Variants in KLF12 observed in about 807,000 individuals in gnomAD.
KLF12 encodes KLF transcription factor 12, also known as Krueppel-like factor 12.
A neutral mutation model predicts 37.8 loss-of-function variants in KLF12; 9 were observed. That is an observed-to-expected ratio of 0.24 (90% CI 0.14 to 0.42). The LOEUF (loss-of-function observed/expected upper bound fraction) is 0.42, where lower values mean the gene tolerates loss of function less well. KLF12 is among the 10% of genes least tolerant of loss of function. KLF12 has a pLI of 1.00. For missense variants in KLF12, 411 were observed against 516.0 expected, an observed-to-expected ratio of 0.80 and a Z score of 1.97; for synonymous variants, 208 against 202.1, an observed-to-expected ratio of 1.03 and a Z score of -0.25.
intron 1 of KLF12, among the ~76,000 whole-genome samples, chr13:73,997,545 T>C (rs1355389348): frequency 1.3e-5 from 2 of 152,204 alleles, no homozygotes; most frequent in Non-Finnish European, 2.9e-5. Context: ...AAGGGGCCTT[T>C]AGTTTTTCCC....
chr13:73,980,371 A>G (rs1891659910), intron 2 of KLF12, among the ~76,000 whole-genome samples: 3 of 152,210 alleles, frequency 2.0e-5, no homozygotes, highest in Admixed American at 2.0e-4. Context: ...CATAGCTACC[A>G]AAACCCAGTC....
At chr13:73,905,927 G>A (rs1257116858) in intron 3 of KLF12, among the ~76,000 whole-genome samples, 1 of 152,070 alleles carries the variant, frequency 6.6e-6, no homozygotes, top group Non-Finnish European at 1.5e-5. Flanking sequence ...CCATGCCTGT[G>A]TTGTAATCAT....
intron 1 of KLF12, among the ~76,000 whole-genome samples, chr13:74,078,022 G>A (rs1028692828): frequency 1.3e-5 from 2 of 152,280 alleles, no homozygotes; most frequent in Middle Eastern, 3.4e-3. Flanking sequence ...GACCAAGGAA[G>A]ATACAGTGTG....
At chr13:74,295,874 C>T in the KLF12 span, among the ~76,000 whole-genome samples, 3 of 152,072 alleles carry the variant, frequency 2.0e-5, no homozygotes, top group African/African-American at 7.2e-5. Flanking sequence ...AGTACAGTGG[C>T]GTGATCTCAG....
chr13:74,303,812 G>A, the KLF12 span, among the ~76,000 whole-genome samples: 82,444 of 151,900 alleles, frequency 0.54, 27,762 homozygotes, highest in East Asian at 0.79. Context: ...TGTCTTTTCC[G>A]AGGCCCACTC....
At chr13:73,755,688 T>C (rs1879111544) in intron 6 of KLF12, among the ~76,000 whole-genome samples, 1 of 152,004 alleles carries the variant, frequency 6.6e-6, no homozygotes, top group Admixed American at 6.6e-5. Context: ...AGTTATTTGG[T>C]GGTGATTTCT....
At chr13:73,880,618 C>A (rs770763009) in intron 3 of KLF12, among the ~76,000 whole-genome samples, 2 of 152,090 alleles carry the variant, frequency 1.3e-5, no homozygotes, top group Non-Finnish European at 2.9e-5. Context: ...ACTCTAGGAG[C>A]TGGAAAGCAA....
chr13:73,940,696 T>A (rs1593760997), intron 3 of KLF12, among the ~76,000 whole-genome samples: 1 of 152,308 alleles, frequency 6.6e-6, no homozygotes, highest in Admixed American at 6.5e-5. Flanking sequence ...CTATAAGAGA[T>A]ACAAACCAGA....
At chr13:73,874,465 A>G (rs568463356) in intron 3 of KLF12, among the ~76,000 whole-genome samples, 6 of 152,346 alleles carry the variant, frequency 3.9e-5, no homozygotes, top group African/African-American at 1.4e-4. Context: ...AGTAAATCAC[A>G]TGATGCCCTT....
chr13:74,140,600 G>A, the KLF12 span, among the ~76,000 whole-genome samples: 1 of 152,164 alleles, frequency 6.6e-6, no homozygotes, highest in African/African-American at 2.4e-5. Flanking sequence ...TCTTAAATTG[G>A]TAAACAAGAA....
intron 2 of KLF12, among the ~76,000 whole-genome samples, chr13:73,946,323 T>TAA: frequency 6.6e-6 from 1 of 152,338 alleles, no homozygotes; most frequent in Admixed American, 6.5e-5. Context: ...CTTTTAGTGC[T>TAA]TTGTACCAAT....
chr13:73,895,369 T>C (rs1485556932), intron 3 of KLF12, among the ~76,000 whole-genome samples: 2 of 152,234 alleles, frequency 1.3e-5, no homozygotes, highest in East Asian at 3.8e-4. Context: ...TAGTCTCTAG[T>C]CGTCTTAAGG....
At chr13:74,101,222 C>G (rs1000361634) in intron 1 of KLF12, among the ~76,000 whole-genome samples, 8 of 152,192 alleles carry the variant, frequency 5.3e-5, no homozygotes, top group African/African-American at 1.9e-4. Context: ...AGATGATTTA[C>G]TCTTCCTCCA....
chr13:74,207,612 T>C, the KLF12 span, among the ~76,000 whole-genome samples: 2 of 152,132 alleles, frequency 1.3e-5, no homozygotes, highest in East Asian at 3.9e-4. Context: ...GAGGTGGAGG[T>C]TGCAGTGAGC....
intron 1 of KLF12, among the ~76,000 whole-genome samples, chr13:74,031,914 C>T (rs1893125211): frequency 6.6e-6 from 1 of 152,108 alleles, no homozygotes; most frequent in Non-Finnish European, 1.5e-5. Context: ...CTTCCTCTCT[C>T]TATTAATTAT....
chr13:74,264,213 G>T, the KLF12 span, among the ~76,000 whole-genome samples: 1 of 152,148 alleles, frequency 6.6e-6, no homozygotes, highest in Non-Finnish European at 1.5e-5. Context: ...AAAACTAACT[G>T]GGTGTGTGAG....
chr13:73,963,500 A>C (rs1424263556), intron 2 of KLF12, among the ~76,000 whole-genome samples: 1 of 152,172 alleles, frequency 6.6e-6, no homozygotes. Flanking sequence ...GGATTATATA[A>C]ACGTTAAAAA....
At chr13:73,843,206 G>C (rs757622390) in intron 4 of KLF12, among the ~76,000 whole-genome samples, 3 of 151,874 alleles carry the variant, frequency 2.0e-5, no homozygotes, top group African/African-American at 7.3e-5. Flanking sequence ...AAAGAGAAAA[G>C]GTTTTTGAAT....
At chr13:73,848,759 CA>C in intron 3 of KLF12, among the ~76,000 whole-genome samples, 1 of 151,994 alleles carries the variant, frequency 6.6e-6, no homozygotes, top group East Asian at 1.9e-4. Flanking sequence ...AAAAGGCTCA[CA>C]AAAATAAGGA....
Sources: gnomAD v4.1 joint callset for allele counts (sites outside exome capture counted in the v4.1 genomes callset) on GRCh38, gnomAD v4.1.1 for gene constraint, MANE v1.5 for transcripts, NCBI Gene and HGNC (gene_info 2026-07-23, HGNC 2026-07-21) for gene names.